The following CCNY variants were observed in gnomAD, a reference collection of about 807,000 sequenced individuals.
The protein encoded by CCNY is cyclin Y, also known as cyclin-Y.
In CCNY, 19 loss-of-function variants were observed where a neutral mutation model predicts 42.8. The observed-to-expected ratio is 0.44, with a 90% confidence interval of 0.31 to 0.65. The LOEUF (loss-of-function observed/expected upper bound fraction) is 0.65. CCNY is among the 30% of genes least tolerant of loss of function. The probability of loss-of-function intolerance (pLI) is 0.07; values close to 1 mark genes in which losing one functional copy is unlikely to be tolerated. For missense variants in CCNY, 370 were observed against 437.3 expected (o/e 0.85, Z 1.37); for synonymous variants, 165 against 162.7 (o/e 1.01, Z -0.11).
intron 3 of CCNY, among the ~76,000 whole-genome samples, chr10:35,273,127 C>G (rs34688285): frequency 6.6e-6 from 1 of 152,008 alleles, no homozygotes; most frequent in Non-Finnish European, 1.5e-5. Flanking sequence ...TTCTCTTTCC[C>G]GTTCTCCTAA....
intron 1 of CCNY, among the ~76,000 whole-genome samples, chr10:35,411,684 C>G (rs956264757): frequency 7.9e-5 from 12 of 152,110 alleles, no homozygotes; most frequent in Non-Finnish European, 1.6e-4. Context: ...TTCCATCTGA[C>G]AACCTGTTTC....
At chr10:35,379,725 G>C (rs1837136206) in intron 1 of CCNY, among the ~76,000 whole-genome samples, 1 of 152,208 alleles carries the variant, frequency 6.6e-6, no homozygotes, top group South Asian at 2.1e-4. Context: ...GGAAGGCCCT[G>C]AATGCAGGGA....
At chr10:35,338,134 T>C (rs1836092384) in intron 1 of CCNY, among the ~76,000 whole-genome samples, 1 of 152,208 alleles carries the variant, frequency 6.6e-6, no homozygotes, top group South Asian at 2.1e-4. Context: ...CCCAAACATC[T>C]TCTCATAGTT....
chr10:35,287,901 C>G (rs1682810481), intron 3 of CCNY, among the ~76,000 whole-genome samples: 1 of 152,098 alleles, frequency 6.6e-6, no homozygotes, highest in Non-Finnish European at 1.5e-5. Flanking sequence ...AGTGATCCAG[C>G]CACCTCGGCC....
chr10:35,282,550 A>G (rs1835309757), intron 3 of CCNY, among the ~76,000 whole-genome samples: 1 of 151,782 alleles, frequency 6.6e-6, no homozygotes, highest in African/African-American at 2.4e-5. Context: ...ACATGGTGAA[A>G]CCCTGTCTCT....
intron 1 of CCNY, among the ~76,000 whole-genome samples, chr10:35,459,999 T>C (rs1353145869): frequency 6.6e-6 from 1 of 152,170 alleles, no homozygotes; most frequent in Admixed American, 6.5e-5. Context: ...CAACATCTGA[T>C]AGCCTGGAAA....
chr10:35,271,780 T>A (rs1835172088), intron 3 of CCNY, among the ~76,000 whole-genome samples: 1 of 152,196 alleles, frequency 6.6e-6, no homozygotes, highest in Non-Finnish European at 1.5e-5. Flanking sequence ...GGCAACCCCC[T>A]TGGGTTCCAC....
At chr10:35,514,950 G>A (rs187312806) in intron 3 of CCNY, among the ~76,000 whole-genome samples, 2 of 152,280 alleles carry the variant, frequency 1.3e-5, no homozygotes, top group Admixed American at 1.3e-4. Flanking sequence ...GCTGTTATTA[G>A]AGTCTGAGGC....
At chr10:35,257,590 C>G (rs962141594) in intron 3 of CCNY, among the ~76,000 whole-genome samples, 1 of 152,152 alleles carries the variant, frequency 6.6e-6, no homozygotes, top group African/African-American at 2.4e-5. Flanking sequence ...CCTGCAGAGT[C>G]TCTGGGAGAA....
intron 1 of CCNY, among the ~76,000 whole-genome samples, chr10:35,461,596 C>A (rs1009512677): frequency 1.3e-5 from 2 of 152,074 alleles, no homozygotes; most frequent in African/African-American, 4.8e-5. Context: ...GGTTCAGAAA[C>A]CCGACCAAAG....
intron 1 of CCNY, among the ~76,000 whole-genome samples, chr10:35,412,557 T>G (rs1451939256): frequency 6.6e-6 from 1 of 151,868 alleles, no homozygotes; most frequent in East Asian, 1.9e-4. Flanking sequence ...GAGGATTTAA[T>G]GAAGAATTTG....
intron 1 of CCNY, among the ~76,000 whole-genome samples, chr10:35,372,604 T>C (rs1366646181): frequency 6.6e-6 from 1 of 152,238 alleles, no homozygotes; most frequent in Non-Finnish European, 1.5e-5. Flanking sequence ...CTTGTACTTT[T>C]GCTGGGCATC....
chr10:35,326,624 T>G (rs1331204695), intron 3 of CCNY, among the ~76,000 whole-genome samples: 1 of 151,704 alleles, frequency 6.6e-6, no homozygotes, highest in Non-Finnish European at 1.5e-5. Context: ...CTAGGCCGGG[T>G]GTGGTGGCTC....
intron 1 of CCNY, among the ~76,000 whole-genome samples, chr10:35,428,162 C>G (rs910060623): frequency 6.6e-6 from 1 of 152,170 alleles, no homozygotes; most frequent in Non-Finnish European, 1.5e-5. Flanking sequence ...CAGATGCTGT[C>G]ACTGCTCTTG....
chr10:35,503,822 C>G (rs1368010551), intron 3 of CCNY, among the ~76,000 whole-genome samples: 2 of 152,168 alleles, frequency 1.3e-5, no homozygotes, highest in Non-Finnish European at 2.9e-5. Context: ...GCTTCAAGCA[C>G]GCCACTTAGC....
At chr10:35,473,921 G>A (rs1313040035) in intron 1 of CCNY, among the ~76,000 whole-genome samples, 3 of 152,150 alleles carry the variant, frequency 2.0e-5, no homozygotes, top group South Asian at 2.1e-4. Flanking sequence ...GACAGTGAGC[G>A]CAGGTCAGTG....
chr10:35,533,222 A>G (rs1019552505), intron 7 of CCNY, among the ~76,000 whole-genome samples: 32 of 152,144 alleles, frequency 2.1e-4, no homozygotes, highest in Admixed American at 9.2e-4. Flanking sequence ...GACTGGCCCC[A>G]GTTCCTTTGG....
At chr10:35,482,802 T>TGTGTGTG (rs879381242) in intron 1 of CCNY, among the ~76,000 whole-genome samples, 1 of 102,654 alleles carries the variant, frequency 9.7e-6, no homozygotes, top group Non-Finnish European at 2.2e-5. Context: ...GTGTGTGTGT[T>TGTGTGTG]ATGTGTTTGA....
intron 2 of CCNY, among the ~76,000 whole-genome samples, chr10:35,494,245 C>CCCA (rs5784454): frequency 6.8e-6 from 1 of 146,226 alleles, no homozygotes; most frequent in African/African-American, 2.5e-5. Flanking sequence ...CCCCCCCCCC[C>CCCA]ATTTCTACAA....
Sources: gnomAD v4.1 joint callset for allele counts (sites outside exome capture counted in the v4.1 genomes callset) on GRCh38, gnomAD v4.1.1 for gene constraint, MANE v1.5 for transcripts, NCBI Gene and HGNC (gene_info 2026-07-23, HGNC 2026-07-21) for gene names.